Variants in GSE1 observed in about 807,000 individuals in gnomAD.
The protein encoded by GSE1 is genetic suppressor element 1.
Under a neutral mutation model 112.6 loss-of-function variants are expected in GSE1, and 32 were observed. That is an observed-to-expected ratio of 0.28 (90% CI 0.21 to 0.38). The LOEUF is 0.38. Among genes scored for constraint, GSE1 ranks in the 10% least tolerant of loss-of-function variants. The pLI is 1.00. For synonymous variants in GSE1, 1,115 were observed against 735.6 expected, an observed-to-expected ratio of 1.52 and a Z score of -8.35; for missense variants, 2,348 against 1,699.2, an observed-to-expected ratio of 1.38 and a Z score of -6.71.
At position 85,583,790 on chromosome 16, in the gene GSE1, A is replaced by G. The variant is rs374283183; in HGVS notation, c.37+27427A>G. ...CGTCCTCCTCCTGTCGTGCCACGAG[A>G]AATGAGGCCTGACCCAGAAAAGGCA... On this transcript the variant is annotated intron_variant, in intron 1 of 2. Coordinates refer to the GSE1 transcript ENST00000635906. Among the ~76,000 whole-genome samples, 169 of 152,228 alleles carry G rather than the reference A, an allele frequency of 1.1e-3. 1 individual carries two copies. The highest frequency in any genetic ancestry group is 4.0e-3 in the African/African-American group (165 of 41,544).
chr16:85,433,414 TAGAG>T (rs2049167494), intron 2 of GSE1, among the ~76,000 whole-genome samples: 1 of 152,078 alleles, frequency 6.6e-6, no homozygotes, highest in African/African-American at 2.4e-5. Context: ...CGGCCAGCCT[TAGAG>T]AGAGAAGCAG....
rs909279213 is a variant in GSE1, at chr16:85,527,791, G to A, written c.2465-106123G>A. Among the ~76,000 whole-genome samples, 4 of 152,250 alleles carry A rather than the reference G, an allele frequency of 2.6e-5. No homozygotes were observed. In the South Asian group the frequency reaches 8.3e-4, roughly 31 times the overall value. Reference sequence around the variant, plus strand: ...GTGGACAGCTGTGAATGGTAGCACAGACATATACAGGAGTGACCGTCGAAG... The same window carrying A: ...GTGGACAGCTGTGAATGGTAGCACAAACATATACAGGAGTGACCGTCGAAG... On this transcript the variant is annotated intron_variant, in intron 2 of 2. Coordinates refer to the GSE1 transcript ENST00000637419.
At chr16:85,601,496 G>A (rs1316187245) in intron 1 of GSE1, among the ~76,000 whole-genome samples, 1 of 152,114 alleles carries the variant, frequency 6.6e-6, no homozygotes, top group Non-Finnish European at 1.5e-5. Flanking sequence ...AAGAGGCAGA[G>A]CTGAGGCAAT....
chr16:85,638,861 G>T (rs1166873445), intron 2 of GSE1, among the ~76,000 whole-genome samples: 1 of 152,082 alleles, frequency 6.6e-6, no homozygotes, highest in East Asian at 1.9e-4. Flanking sequence ...GTCCGCCATG[G>T]CTTCCCCCCG....
intron 2 of GSE1, among the ~76,000 whole-genome samples, chr16:85,482,311 C>T (rs1288409710): frequency 1.3e-5 from 2 of 152,216 alleles, no homozygotes; most frequent in African/African-American, 2.4e-5. Context: ...GGTGAGAGAT[C>T]GCACTTGCGT....
chr16:85,571,844 C>T (rs1425999163), intron 1 of GSE1, among the ~76,000 whole-genome samples: 3 of 152,060 alleles, frequency 2.0e-5, no homozygotes, highest in Non-Finnish European at 4.4e-5. Context: ...TGTTTGGAAT[C>T]TGAGAGACGG....
rs139477826 is a variant in GSE1 at position 85,281,115 on chromosome 16, G to A, written c.2284-76348G>A. ...ATTGTCAAGAAGCAAATGAACCCAC[G>A]ATGCAAACGGCCTCTCTCAGCATCA... On this transcript the variant is annotated intron_variant, in intron 1 of 2. Coordinates refer to the GSE1 transcript ENST00000637419. 3.7e-3 allele frequency among the ~76,000 whole-genome samples: 570 copies of A among 152,272 alleles called. 2 individuals are homozygous for A. The highest frequency in any genetic ancestry group is 0.02 in the Middle Eastern group (6 of 294).
At chr16:85,184,314 C>A (rs1267894985) in intron 1 of GSE1, among the ~76,000 whole-genome samples, 1 of 152,230 alleles carries the variant, frequency 6.6e-6, no homozygotes, top group Non-Finnish European at 1.5e-5. Context: ...CTTCTGATGT[C>A]TCTACTCCCC....
At chr16:85,186,496 G>T (rs1355955026) in intron 1 of GSE1, among the ~76,000 whole-genome samples, 1 of 151,738 alleles carries the variant, frequency 6.6e-6, no homozygotes, top group Non-Finnish European at 1.5e-5. Flanking sequence ...CCAGCTACTA[G>T]AGAGGCTGAG....
intron 2 of GSE1, among the ~76,000 whole-genome samples, chr16:85,543,585 G>A (rs2044598466): frequency 6.6e-6 from 1 of 152,136 alleles, no homozygotes; most frequent in South Asian, 2.1e-4. Context: ...GCTTATCCCT[G>A]TCTTGGAACC....
chr16:85,592,209 C>G (rs929925579), intron 1 of GSE1: 2 of 151,724 alleles, frequency 1.3e-5, no homozygotes, highest in Middle Eastern at 3.4e-3. Context: ...GTTGCCCAGG[C>G]TGGAGTGCCG....
At chr16:85,472,501 C>T (rs945872339) in intron 2 of GSE1, among the ~76,000 whole-genome samples, 11 of 152,234 alleles carry the variant, frequency 7.2e-5, no homozygotes, top group African/African-American at 2.7e-4. Context: ...TTAGGACCCA[C>T]CTTATTCCCG....
At chr16:85,385,315 C>G (rs2047663841) in intron 2 of GSE1, among the ~76,000 whole-genome samples, 2 of 152,214 alleles carry the variant, frequency 1.3e-5, no homozygotes, top group Non-Finnish European at 2.9e-5. Flanking sequence ...TCTCAACTGC[C>G]CCTTGCCCCT....
chr16:85,506,337 G>A lies in GSE1; in HGVS notation c.2465-127577G>A, dbSNP rs916708570. Among the ~76,000 whole-genome samples the A allele has an allele frequency of 9.9e-5, 15 of 152,250 alleles. 1 individual carries two copies. The South Asian group carries it at 2.3e-3, about 23-fold the overall frequency. On this transcript the variant is annotated intron_variant, in intron 2 of 2. Coordinates refer to the GSE1 transcript ENST00000637419. ...ATGTAAATAGCCACATGTGGCTACCGTATGGATGGCTTGGCTGTATGTGGG... is the reference window on the plus strand; with the variant it reads ...ATGTAAATAGCCACATGTGGCTACCATATGGATGGCTTGGCTGTATGTGGG...
chr16:85,170,655 C>T, exon 1 of GSE1: 1 of 985,644 alleles, frequency 1.0e-6, no homozygotes, highest in Non-Finnish European at 1.2e-6. Flanking sequence ...CCCCGCTGTC[C>T]CCGGCCTCGC....
intron 2 of GSE1, among the ~76,000 whole-genome samples, chr16:85,477,481 T>A (rs1465866722): frequency 6.6e-6 from 1 of 151,170 alleles, no homozygotes; most frequent in African/African-American, 2.4e-5. Context: ...CACCTCCTTA[T>A]TGTGAATGCT....
chr16:85,170,029 C>G (rs564655437), exon 1 of GSE1: 68 of 984,642 alleles, frequency 6.9e-5, no homozygotes, highest in Admixed American at 1.2e-4. Context: ...GGAGGAGACG[C>G]GAGACTCCGA....
rs116857013 is a variant in GSE1, at chr16:85,451,234, A to C, written c.2464+93591A>C. ...AAAATTTTGCCTCCAACTGCAGAAAATTCCATGGTGTCCTTTTGTGGTCAT... is the reference window on the plus strand; with the variant it reads ...AAAATTTTGCCTCCAACTGCAGAAACTTCCATGGTGTCCTTTTGTGGTCAT... On this transcript the variant is annotated intron_variant, in intron 2 of 2. Transcript: ENST00000637419. 2.0e-4 allele frequency among the ~76,000 whole-genome samples: 30 copies of C among 152,306 alleles called. No individual in the cohort carries two copies. The East Asian group carries it at 5.6e-3, about 28-fold the overall frequency.
chr16:85,470,574 C>G (rs2050261706), intron 2 of GSE1, among the ~76,000 whole-genome samples: 1 of 152,192 alleles, frequency 6.6e-6, no homozygotes, highest in Non-Finnish European at 1.5e-5. Flanking sequence ...CCGATGGGGC[C>G]AGATTCCTTC....
Sources: allele counts gnomAD v4.1 joint callset (sites outside exome capture counted in the v4.1 genomes callset), GRCh38; gene constraint gnomAD v4.1.1; transcripts MANE v1.5; gene names NCBI Gene and HGNC (gene_info 2026-07-23, HGNC 2026-07-21).